The following TMC1 variants were observed in gnomAD, a reference collection of about 807,000 sequenced individuals.
TMC1 encodes the protein transmembrane channel like 1.
A neutral mutation model predicts 105.8 loss-of-function variants in TMC1; 84 were observed. The ratio of observed to expected loss-of-function variants is 0.79; its 90% CI spans 0.67 to 0.95. The LOEUF is 0.95. TMC1 is among the 40% of genes least tolerant of loss of function. The probability of loss-of-function intolerance (pLI) is 0.00; values close to 1 mark genes in which losing one functional copy is unlikely to be tolerated. For missense variants in TMC1, 817 were observed against 914.1 expected (o/e 0.89, Z 1.37); for synonymous variants, 315 against 311.5 (o/e 1.01, Z -0.12).
chr9:72,729,803 T>C (rs1194238650), intron 8 of TMC1, among the ~76,000 whole-genome samples: 8 of 152,192 alleles, frequency 5.3e-5, no homozygotes, highest in African/African-American at 1.7e-4. Flanking sequence ...CAAAGTTTTA[T>C]ATGACATGGA....
intron 11 of TMC1, among the ~76,000 whole-genome samples, chr9:72,752,173 T>G (rs577361343): frequency 6.6e-6 from 1 of 152,138 alleles, no homozygotes; most frequent in Non-Finnish European, 1.5e-5. Flanking sequence ...ATATAACTTA[T>G]GTATAATTTC....
intron 2 of TMC1, among the ~76,000 whole-genome samples, chr9:72,590,477 T>A (rs1002241487): frequency 1.3e-5 from 2 of 152,188 alleles, no homozygotes; most frequent in East Asian, 1.9e-4. Flanking sequence ...AGGTTCAAAT[T>A]CCAGCCATAC....
rs745417408 is a variant in TMC1, at chr9:72,789,091, TTTTG to T, written c.1030-16_1030-13del. 1.6e-5 allele frequency: 26 copies of T among 1,604,604 alleles called. No homozygotes were observed. Among genetic ancestry groups the T allele is most frequent in the Middle Eastern group, 2.2e-4 (1 of 4,496 alleles). On this transcript the variant is annotated intron_variant, in intron 14 of 23. Coordinates refer to ENST00000297784, the MANE Select transcript of TMC1 (RefSeq NM_138691.3). ...GTAGCTAAGATATTCTATTTTGGGT[TTTTG>T]TTTGTTTGTTTGTTTTCATGGATAC... is the stretch of plus-strand genomic sequence containing the variant.
intron 5 of TMC1, among the ~76,000 whole-genome samples, chr9:72,664,968 T>TCGAG (rs1281152472): frequency 6.6e-6 from 1 of 152,108 alleles, no homozygotes; most frequent in Non-Finnish European, 1.5e-5. Flanking sequence ...CCAAAAGTGC[T>TCGAG]CGCCCTGGCT....
chr9:72,540,358 C>T (rs935379614), intron 1 of TMC1, among the ~76,000 whole-genome samples: 2 of 152,106 alleles, frequency 1.3e-5, no homozygotes, highest in African/African-American at 4.8e-5. Flanking sequence ...TCCATTTATT[C>T]TTCTGTTGAG....
intron 8 of TMC1, among the ~76,000 whole-genome samples, chr9:72,705,085 G>C (rs1306094108): frequency 3.3e-5 from 5 of 152,096 alleles, no homozygotes; most frequent in Non-Finnish European, 7.4e-5. Flanking sequence ...AGCTGTTCAT[G>C]GGTTTAATTC....
chr9:72,725,325 G>GTATGTATATA (rs1554723230), intron 8 of TMC1, among the ~76,000 whole-genome samples: 28 of 77,668 alleles, frequency 3.6e-4, no homozygotes, highest in Non-Finnish European at 5.9e-4. Flanking sequence ...ATGTGTGTAT[G>GTATGTATATA]TATATATATA....
At chr9:72,522,778 C>T (rs555551594) in intron 1 of TMC1, among the ~76,000 whole-genome samples, 1 of 152,314 alleles carries the variant, frequency 6.6e-6, no homozygotes, top group South Asian at 2.1e-4. Context: ...GCACTGGACA[C>T]TGTCTGTGGA....
At chr9:72,545,298 A>T (rs540841478) in intron 1 of TMC1, among the ~76,000 whole-genome samples, 1 of 150,042 alleles carries the variant, frequency 6.7e-6, no homozygotes, top group South Asian at 2.1e-4. Context: ...CTTCAGAATT[A>T]ATACTTTGTA....
chr9:72,560,028 GCCTGATATCT>G (rs1224548621), intron 1 of TMC1, among the ~76,000 whole-genome samples: 5 of 152,168 alleles, frequency 3.3e-5, no homozygotes, highest in African/African-American at 1.2e-4. Flanking sequence ...GAGCCTCTGG[GCCTGATATCT>G]CCTTGATTAC....
intron 5 of TMC1, among the ~76,000 whole-genome samples, chr9:72,682,886 A>G (rs1474681073): frequency 6.6e-6 from 1 of 152,166 alleles, no homozygotes; most frequent in Non-Finnish European, 1.5e-5. Context: ...GGCCTCAGGA[A>G]ACTTACAATC....
At chr9:72,705,107 G>T (rs1826714175) in intron 8 of TMC1, among the ~76,000 whole-genome samples, 1 of 152,126 alleles carries the variant, frequency 6.6e-6, no homozygotes, top group Non-Finnish European at 1.5e-5. Context: ...GAGGCTGTAT[G>T]ACTAGATCTT....
At position 72,615,451 on chromosome 9, in the gene TMC1, A is replaced by G. The variant is rs553273078; in HGVS notation, c.-305-917A>G. Among the ~76,000 whole-genome samples, 26 of 152,308 alleles carry G rather than the reference A, an allele frequency of 1.7e-4. 1 individual carries two copies. The South Asian group carries it at 5.2e-3, about 31-fold the overall frequency. On this transcript the variant is annotated intron_variant, in intron 2 of 23. Coordinates refer to ENST00000297784, the MANE Select transcript of TMC1 (RefSeq NM_138691.3). ...TGATAAATGTGAAAAGATAATTTTG[A>G]GGGCATTATGGTGTATTGGATCTTA...
chr9:72,643,403 A>G (rs1300140954), intron 4 of TMC1, among the ~76,000 whole-genome samples: 1 of 152,198 alleles, frequency 6.6e-6, no homozygotes, highest in South Asian at 2.1e-4. Flanking sequence ...AGTTTGCCAT[A>G]TGTATACACA....
chr9:72,659,847 C>G (rs1246035418), intron 5 of TMC1, among the ~76,000 whole-genome samples: 1 of 152,210 alleles, frequency 6.6e-6, no homozygotes, highest in Non-Finnish European at 1.5e-5. Context: ...AGCTAATCCA[C>G]TCTTTTGTGC....
intron 10 of TMC1, among the ~76,000 whole-genome samples, chr9:72,747,255 C>T (rs890584143): frequency 4.6e-5 from 7 of 152,152 alleles, no homozygotes. Flanking sequence ...ATTTAATTCC[C>T]TACCCCTAAA....
At chr9:72,761,451 G>A (rs1827753956) in intron 12 of TMC1, among the ~76,000 whole-genome samples, 1 of 152,154 alleles carries the variant, frequency 6.6e-6, no homozygotes, top group Non-Finnish European at 1.5e-5. Context: ...GTACATTGCT[G>A]ATGGATAAAT....
At chr9:72,728,281 A>G (rs548897776) in intron 8 of TMC1, among the ~76,000 whole-genome samples, 1 of 152,258 alleles carries the variant, frequency 6.6e-6, no homozygotes, top group East Asian at 1.9e-4. Context: ...AAGCAAATAT[A>G]TGGGGGAACT....
chr9:72,755,982 G>C (rs1827670866), intron 12 of TMC1, among the ~76,000 whole-genome samples: 1 of 152,142 alleles, frequency 6.6e-6, no homozygotes, highest in South Asian at 2.1e-4. Flanking sequence ...ATGATTCATA[G>C]AGCCTTGAAG....
Sources: allele counts gnomAD v4.1 joint callset (sites outside exome capture counted in the v4.1 genomes callset), GRCh38; gene constraint gnomAD v4.1.1; transcripts MANE v1.5; gene names NCBI Gene and HGNC (gene_info 2026-07-23, HGNC 2026-07-21).